ZNF500: variants seen among roughly 807,000 people sequenced by gnomAD.
ZNF500 encodes zinc finger protein 500.
A neutral mutation model predicts 30.1 loss-of-function variants in ZNF500; 31 were observed. That is an observed-to-expected ratio of 1.03 (90% CI 0.77 to 1.39). The LOEUF (loss-of-function observed/expected upper bound fraction) is 1.39, where lower values mean the gene tolerates loss of function less well. ZNF500 is among the 40% of genes most tolerant of loss of function. The pLI, the probability that ZNF500 is intolerant of heterozygous loss-of-function variation, is 0.00. For missense variants in ZNF500, 817 were observed against 657.8 expected, an observed-to-expected ratio of 1.24 and a Z score of -2.65; for synonymous variants, 392 against 282.0, an observed-to-expected ratio of 1.39 and a Z score of -3.91.
chr16:4,756,512 C>T (rs946152075), intron 5 of ZNF500: 10 of 151,422 alleles, frequency 6.6e-5, no homozygotes, highest in Non-Finnish European at 1.3e-4. Flanking sequence ...TTTTTGAGCC[C>T]GGGTAACACA....
rs1219262945 is a variant in ZNF500, at chr16:4,763,522, T to C, written c.415-766A>G. On this transcript the variant is annotated intron_variant, in intron 2 of 5. Coordinates refer to ENST00000219478, the MANE Select transcript of ZNF500 (RefSeq NM_021646.4). Reference sequence around the variant, plus strand: ...TGGGTCTTAGAATTGAGCTCTGCAATAGCACTTGGACAAGAGACATCCCTA... The same window carrying C: ...TGGGTCTTAGAATTGAGCTCTGCAACAGCACTTGGACAAGAGACATCCCTA... 4 of 984,456 alleles carry C rather than the reference T, an allele frequency of 4.1e-6. No homozygotes were observed. In the African/African-American group the frequency reaches 7.0e-5, roughly 17 times the overall value. 61.0% of individuals were successfully genotyped at this position (984,456 alleles called of 1,614,324 possible).
intron 4 of ZNF500, among the ~76,000 whole-genome samples, chr16:4,761,643 C>T (rs988868911): frequency 2.0e-5 from 3 of 150,256 alleles, no homozygotes; most frequent in African/African-American, 7.3e-5. Context: ...CCCAGGAGTT[C>T]AAGACCAGCC....
chr16:4,744,547 C>G (rs1167871567), downstream of ZNF500, among the ~76,000 whole-genome samples: 1 of 151,810 alleles, frequency 6.6e-6, no homozygotes, highest in African/African-American at 2.4e-5. Flanking sequence ...TTTAAGTCAA[C>G]ACACAGAACT....
chr16:4,762,421 C>T (rs77517765), intron 3 of ZNF500, 86 bp from the exon 4 acceptor site: 33,986 of 1,523,294 alleles, frequency 0.022, 476 homozygotes, highest in Middle Eastern at 0.03. Flanking sequence ...CCCAACAGCC[C>T]GGCGGCTGCC....
chr16:4,763,653 C>G, intron 2 of ZNF500: 3 of 985,422 alleles, frequency 3.0e-6, no homozygotes, highest in Non-Finnish European at 3.6e-6. Flanking sequence ...GCCTGCCCCT[C>G]TCAGCTCAGT....
chr16:4,760,963 C>A (rs2082192135), intron 4 of ZNF500, among the ~76,000 whole-genome samples: 1 of 152,038 alleles, frequency 6.6e-6, no homozygotes, highest in Admixed American at 6.6e-5. Context: ...TGCCTCTGGG[C>A]CAGTGGCTCC....
intron 5 of ZNF500, among the ~76,000 whole-genome samples, chr16:4,760,252 C>G (rs2082182743): frequency 6.6e-6 from 1 of 152,058 alleles, no homozygotes; most frequent in Admixed American, 6.6e-5. Context: ...GAAGTAGGAC[C>G]AGCATGTAGG....
rs374264827 is a variant in ZNF500 at position 4,762,326 on chromosome 16, G to A, written c.608C>T (p.Ala203Val). The A allele has an allele frequency of 6.2e-7, 1 of 1,608,212 alleles. No homozygotes were observed. The highest frequency in any genetic ancestry group is 8.5e-7 in the Non-Finnish European group (1 of 1,177,432). ...PLLWPERGPP[A>V]PRHQEMASAS... ...TGACGCCATCTCCTGATGCCGGGGAGCTGGAGGGCCTGGGAAGGAGCAGAG... is the reference window on the plus strand; with the variant it reads ...TGACGCCATCTCCTGATGCCGGGGAACTGGAGGGCCTGGGAAGGAGCAGAG... The change falls in exon 4 of 6, where the codon GCT becomes GTT. Residue 203 changes from alanine (A) to valine (V), a missense_variant. Transcript: ENST00000219478.
In ZNF500 at chr16:4,764,808, T is replaced by G. The variant is rs1007833001; in HGVS notation, c.414+757A>C. On this transcript the variant is annotated intron_variant, in intron 2 of 5. Coordinates refer to ENST00000219478, the MANE Select transcript of ZNF500 (RefSeq NM_021646.4). ...AAAAAAAAGAAAAAAAAAAAAAAAG[T>G]AAAATAAATGTACATAGCTATAATT... Among the ~76,000 whole-genome samples the G allele has an allele frequency of 2.2e-3, 296 of 137,230 alleles. 2 individuals are homozygous for G. The highest frequency in any genetic ancestry group is 7.5e-3 in the African/African-American group (277 of 36,874). The allele number at this position is 137,230 out of a possible 152,430, so 90.0% of individuals were successfully genotyped here. A position where few individuals can be genotyped will look rare whatever the true frequency, so the allele number is the denominator to read the frequency against.
Position 4,751,513 on chromosome 16 carries a change from C to T in ZNF500, c.*863G>A. 6.8e-7 allele frequency: 1 copy of T among 1,476,954 alleles called. No individual in the cohort carries two copies. Among genetic ancestry groups the T allele is most frequent in the Non-Finnish European group, 9.0e-7 (1 of 1,107,418 alleles). The allele number at this position is 1,476,954 out of a possible 1,614,324, so 91.5% of individuals were successfully genotyped here. On this transcript the variant is annotated 3_prime_UTR_variant, in exon 6 of 6. Coordinates refer to ENST00000219478, the MANE Select transcript of ZNF500 (RefSeq NM_021646.4). ...TGGATCTGCAAAGGGGACTGGAATGCTGCAGAGCCCCGGGCTCCATTTGGA... is the reference window on the plus strand; with the variant it reads ...TGGATCTGCAAAGGGGACTGGAATGTTGCAGAGCCCCGGGCTCCATTTGGA...
In ZNF500 at chr16:4,751,372, C is replaced by G; in HGVS notation, c.*1004G>C. On this transcript the variant is annotated 3_prime_UTR_variant, in exon 6 of 6. Coordinates refer to ENST00000219478, the MANE Select transcript of ZNF500 (RefSeq NM_021646.4). ...TAAGGGGCCAGGAGCAAACGCAGCC[C>G]TGGGCCCCGGCCCTGGGGAGATGTC... is the stretch of plus-strand genomic sequence containing the variant. 1 of 557,128 alleles carries G rather than the reference C, an allele frequency of 1.8e-6. No homozygotes were observed. Among genetic ancestry groups the G allele is most frequent in the Non-Finnish European group, 3.2e-6 (1 of 317,204 alleles). 34.5% of individuals were successfully genotyped at this position (557,128 alleles called of 1,614,324 possible). A position where few individuals can be genotyped will look rare whatever the true frequency, so the allele number is the denominator to read the frequency against.
At chr16:4,746,308 A>T (rs2082016930), downstream of ZNF500, 1 of 1,505,014 alleles carries the variant, frequency 6.6e-7, no homozygotes, top group Admixed American at 2.0e-5. Context: ...TGACTGGACA[A>T]ACCCAGCGCA....
chr16:4,764,360 T>C (rs1007388029), intron 2 of ZNF500, among the ~76,000 whole-genome samples: 11 of 151,898 alleles, frequency 7.2e-5, no homozygotes, highest in South Asian at 2.1e-4. Context: ...ACCCTGTCTC[T>C]ACTAAAAATA....
downstream of ZNF500, chr16:4,747,308 C>G: frequency 6.6e-7 from 1 of 1,525,670 alleles, no homozygotes; most frequent in Non-Finnish European, 8.8e-7. Flanking sequence ...GCGGCCCCCA[C>G]GGGGTTGAGT....
At chr16:4,763,464 T>G in intron 2 of ZNF500, 1 of 797,154 alleles carries the variant, frequency 1.3e-6, no homozygotes, top group Non-Finnish European at 1.5e-6. Flanking sequence ...ATGATCTATT[T>G]CCTAATTCCA....
At position 4,749,285 on chromosome 16, in the gene ZNF500, G is replaced by A. The variant is rs1451982257; in HGVS notation, c.*3091C>T. 6.5e-6 allele frequency: 1 copy of A among 154,446 alleles called. No individual in the cohort carries two copies. Among genetic ancestry groups the A allele is most frequent in the Non-Finnish European group, 1.5e-5 (1 of 68,248 alleles). The allele number at this position is 154,446 out of a possible 1,614,324, so 9.6% of individuals were successfully genotyped here. A position where few individuals can be genotyped will look rare whatever the true frequency, so the allele number is the denominator to read the frequency against. ...GGCTGCCTAGCTGTCAAGAGCAAAGGCTTTTTTTTTCTTCAACCCCATTTT... is the reference window on the plus strand; with the variant it reads ...GGCTGCCTAGCTGTCAAGAGCAAAGACTTTTTTTTTCTTCAACCCCATTTT... On this transcript the variant is annotated 3_prime_UTR_variant, in exon 6 of 6. Coordinates refer to ENST00000219478, the MANE Select transcript of ZNF500 (RefSeq NM_021646.4).
Position 4,753,239 on chromosome 16 carries a change from T to C in ZNF500, c.761-181A>G, listed in dbSNP as rs145011390. On this transcript the variant is annotated intron_variant, in intron 5 of 5. Transcript: ENST00000219478. ...ACTTTGGAAGGCTGAAGTGGGAGGA[T>C]TGCTTGAGCCCAGGAGTTCAAGACC... The C allele has an allele frequency of 3.8e-4, 483 of 1,258,314 alleles. 5 individuals are homozygous for C. The East Asian group carries it at 0.012, about 31-fold the overall frequency. The allele number at this position is 1,258,314 out of a possible 1,614,324, so 77.9% of individuals were successfully genotyped here.
chr16:4,745,578 A>G (rs1203376891), downstream of ZNF500, among the ~76,000 whole-genome samples: 1 of 152,204 alleles, frequency 6.6e-6, no homozygotes, highest in Non-Finnish European at 1.5e-5. Flanking sequence ...GCACTTGAGG[A>G]ATCTGAGAAC....
chr16:4,762,737 T>C lies in ZNF500; in HGVS notation c.434A>G (p.Asp145Gly), dbSNP rs974779294. The C allele has an allele frequency of 9.3e-6, 15 of 1,610,208 alleles. No individual in the cohort carries two copies. The highest frequency in any genetic ancestry group is 1.6e-4 in the Middle Eastern group (1 of 6,066). The change falls in exon 3 of 6, where the codon GAT (aspartate) becomes GGT (glycine). Residue 145 changes from aspartate to glycine, a missense_variant. Physicochemically the swap from Asp to Gly is moderately conservative, Grantham distance 94. Transcript: ENST00000219478. The stretch of plus-strand genomic sequence containing the variant: ...CCCTATCCCGAGGGGCACCTCGTCA[T>C]CAGAAAGCAGCTCTGAGCCCTGCAC... ...HRQRGSELLS[D>G]DEVPLGIGGQ...
Sources: allele counts gnomAD v4.1 joint callset (sites outside exome capture counted in the v4.1 genomes callset), GRCh38; gene constraint gnomAD v4.1.1; transcripts MANE v1.5; gene names NCBI Gene and HGNC (gene_info 2026-07-23, HGNC 2026-07-21).